The following ATRNL1 variants were observed in gnomAD, a reference collection of about 807,000 sequenced individuals.
The protein encoded by ATRNL1 is attractin-like protein 1.
Under a neutral mutation model 182.7 loss-of-function variants are expected in ATRNL1, and 95 were observed. That is an observed-to-expected ratio of 0.52 (90% CI 0.44 to 0.62). The LOEUF (loss-of-function observed/expected upper bound fraction) is 0.62, where lower values mean the gene tolerates loss of function less well. ATRNL1 is among the 20% of genes least tolerant of loss of function. ATRNL1 has a pLI of 0.00. For synonymous variants in ATRNL1, 576 were observed against 568.3 expected (o/e 1.01, Z -0.19); for missense variants, 1,471 against 1,679.5 (o/e 0.88, Z 2.17).
At chr10:115,233,603 TTTTAAAAAATGCTTTCAGTA>T (rs1370118912) in intron 9 of ATRNL1, among the ~76,000 whole-genome samples, 1 of 152,104 alleles carries the variant, frequency 6.6e-6, no homozygotes, top group Non-Finnish European at 1.5e-5. Flanking sequence ...ATTCCTGAGC[TTTTAAAAAATGCTTTCAGTA>T]TTTCTTCACT....
chr10:115,499,175 G>A lies in ATRNL1; in HGVS notation c.3655-20088G>A, dbSNP rs139326473. On this transcript the variant is annotated intron_variant, in intron 24 of 28. Coordinates refer to ENST00000355044, the MANE Select transcript of ATRNL1 (RefSeq NM_207303.4). ...TTTATCTTGTCATTTTAAAGGTTCC[G>A]TTTTGTTTTCTAACATTTATAACAA... 2.6e-3 allele frequency among the ~76,000 whole-genome samples: 393 copies of A among 152,060 alleles called. 1 individual carries two copies. The highest frequency in any genetic ancestry group is 8.8e-3 in the African/African-American group (366 of 41,504).
chr10:115,264,316 AAC>A (rs1851517972), intron 10 of ATRNL1, among the ~76,000 whole-genome samples: 1 of 151,662 alleles, frequency 6.6e-6, no homozygotes, highest in South Asian at 2.1e-4. Context: ...TCATTACTTT[AAC>A]TTTTACAACT....
At chr10:115,621,435 G>A (rs1222865702) in intron 26 of ATRNL1, among the ~76,000 whole-genome samples, 1 of 151,750 alleles carries the variant, frequency 6.6e-6, no homozygotes, top group African/African-American at 2.4e-5. Flanking sequence ...CTGAGTAACT[G>A]GGGCTACAGG....
At chr10:115,521,453 T>A (rs1479025043) in intron 25 of ATRNL1, among the ~76,000 whole-genome samples, 1 of 151,974 alleles carries the variant, frequency 6.6e-6, no homozygotes, top group Non-Finnish European at 1.5e-5. Flanking sequence ...ATGCCTGGTC[T>A]AAAAAAAACT....
intron 1 of ATRNL1, among the ~76,000 whole-genome samples, chr10:115,119,354 G>C (rs187309399): frequency 1.9e-3 from 296 of 152,056 alleles, no homozygotes; most frequent in African/African-American, 6.7e-3. Context: ...GTGTGTGTGT[G>C]TATGTTTATG....
intron 26 of ATRNL1, among the ~76,000 whole-genome samples, chr10:115,690,996 G>A (rs967697651): frequency 1.3e-5 from 2 of 152,210 alleles, no homozygotes; most frequent in East Asian, 3.9e-4. Context: ...TGAGCTGGCT[G>A]CTGGGTACCT....
rs201880985 is a variant in ATRNL1 at position 115,215,862 on chromosome 10, A to G, written c.1514A>G (p.Glu505Gly). 5.4e-5 allele frequency: 85 copies of G among 1,571,020 alleles called. No homozygotes were observed. The highest frequency in any genetic ancestry group is 7.0e-5 in the Non-Finnish European group (81 of 1,163,742). The part of the protein sequence containing the change: ...YGLVDDLYKY[E>G]VNTKTWTILK... ...TTGGTTGATGATCTTTATAAATATG[A>G]AGTTAACACTAAGACTTGGTGAGTA... The change falls in exon 9 of 29, where the codon GAA becomes GGA. Residue 505 changes from glutamate to glycine, a missense_variant. Coordinates refer to ENST00000355044, the MANE Select transcript of ATRNL1 (RefSeq NM_207303.4).
rs542847926 is a variant in ATRNL1, at chr10:115,689,364, TTTTTTATGTAGGCA to T, written c.3796-37880_3796-37867del. ...ATTGTTTATTTGAAATCTTTTTGGC[TTTTTTATGTAGGCA>T]TTTATTGCTAAAAACTTGCCTCTTA... is the stretch of plus-strand genomic sequence containing the variant. On this transcript the variant is annotated intron_variant, in intron 26 of 28. Coordinates refer to ENST00000355044, the MANE Select transcript of ATRNL1 (RefSeq NM_207303.4). Among the ~76,000 whole-genome samples, 314 of 152,328 alleles carry T rather than the reference TTTTTTATGTAGGCA, an allele frequency of 2.1e-3. 1 individual carries two copies. The highest frequency in any genetic ancestry group is 7.1e-3 in the African/African-American group (294 of 41,584).
At chr10:115,172,378 T>A (rs1289952982) in intron 8 of ATRNL1, among the ~76,000 whole-genome samples, 3 of 142,390 alleles carry the variant, frequency 2.1e-5, no homozygotes. Flanking sequence ...TGGCTGTGTT[T>A]TATTTCTTGA....
intron 8 of ATRNL1, among the ~76,000 whole-genome samples, chr10:115,199,288 T>C (rs1056247393): frequency 5.9e-5 from 9 of 151,998 alleles, no homozygotes; most frequent in Non-Finnish European, 2.9e-5. Context: ...AGAAAATGTT[T>C]CGGCTGGGTG....
chr10:115,150,454 G>C (rs562642176), intron 5 of ATRNL1, among the ~76,000 whole-genome samples: 197 of 151,738 alleles, frequency 1.3e-3, no homozygotes, highest in Middle Eastern at 3.4e-3. Context: ...CTGCTTTTTT[G>C]ACGTGGGTAC....
At chr10:115,664,421 T>G (rs1424047509) in intron 26 of ATRNL1, among the ~76,000 whole-genome samples, 2 of 152,236 alleles carry the variant, frequency 1.3e-5, no homozygotes, top group Non-Finnish European at 2.9e-5. Flanking sequence ...TGTAGGCTTT[T>G]GATAATTTCT....
At chr10:115,653,906 G>C (rs1332464807) in intron 26 of ATRNL1, among the ~76,000 whole-genome samples, 1 of 152,114 alleles carries the variant, frequency 6.6e-6, no homozygotes, top group Admixed American at 6.6e-5. Context: ...AATCTTAAAT[G>C]TGCCTGTGAT....
intron 13 of ATRNL1, among the ~76,000 whole-genome samples, chr10:115,276,375 A>G (rs559631173): frequency 2.0e-5 from 3 of 152,324 alleles, no homozygotes; most frequent in Non-Finnish European, 2.9e-5. Flanking sequence ...GTGAAAACAG[A>G]CATATCTTAA....
intron 8 of ATRNL1, 96 bp downstream of exon 8, chr10:115,171,388 T>A (rs1195123303): frequency 8.8e-7 from 1 of 1,139,634 alleles, no homozygotes; most frequent in African/African-American, 1.6e-5. Flanking sequence ...GGTGAGTTAT[T>A]TGAGATTGAA....
chr10:115,559,394 C>T (rs528008937), intron 26 of ATRNL1, among the ~76,000 whole-genome samples: 26 of 150,720 alleles, frequency 1.7e-4, no homozygotes, highest in Admixed American at 7.9e-4. Flanking sequence ...CCATTCCTGA[C>T]ATACTCTCAT....
At chr10:115,660,398 T>C (rs1242007825) in intron 26 of ATRNL1, among the ~76,000 whole-genome samples, 2 of 152,074 alleles carry the variant, frequency 1.3e-5, no homozygotes, top group East Asian at 3.9e-4. Flanking sequence ...TAGATAAATC[T>C]AAGTGGAGGT....
At chr10:115,596,866 T>C (rs1488611863) in intron 26 of ATRNL1, among the ~76,000 whole-genome samples, 1 of 152,194 alleles carries the variant, frequency 6.6e-6, no homozygotes, top group African/African-American at 2.4e-5. Flanking sequence ...CTTTATCAAA[T>C]AGGACTAGTT....
At chr10:115,828,913 C>T (rs1950499648) in intron 27 of ATRNL1, among the ~76,000 whole-genome samples, 2 of 152,068 alleles carry the variant, frequency 1.3e-5, no homozygotes, top group Admixed American at 1.3e-4. Context: ...CATTATTAGC[C>T]CTCTCCAAAT....
Sources: allele counts gnomAD v4.1 joint callset (sites outside exome capture counted in the v4.1 genomes callset), GRCh38; gene constraint gnomAD v4.1.1; transcripts MANE v1.5; gene names NCBI Gene and HGNC (gene_info 2026-07-23, HGNC 2026-07-21).